Variants in DACH2 observed in about 807,000 individuals in gnomAD.
DACH2 encodes the protein dachshund homolog 2.
Under a neutral mutation model 35.8 loss-of-function variants are expected in DACH2, and 17 were observed. The ratio of observed to expected loss-of-function variants is 0.48; its 90% confidence interval spans 0.33 to 0.71. The LOEUF (loss-of-function observed/expected upper bound fraction) is 0.71. DACH2 is among the 30% of genes least tolerant of loss of function. DACH2 has a pLI of 0.02. For missense variants in DACH2, 469 were observed against 472.7 expected (o/e 0.99, Z 0.07); for synonymous variants, 195 against 177.3 (o/e 1.10, Z -0.79).
chrX:86,693,365 T>A (rs183067590), intron 4 of DACH2, among the ~76,000 whole-genome samples: 2 of 112,068 alleles, frequency 1.8e-5, no homozygotes, highest in Non-Finnish European at 3.8e-5. Context: ...TCTTTACATA[T>A]ACTGTGCTAG....
chrX:86,242,164 A>G (rs1033485838), intron 1 of DACH2, among the ~76,000 whole-genome samples: 5 of 112,310 alleles, frequency 4.5e-5, no homozygotes, highest in Non-Finnish European at 9.4e-5. Context: ...GTCCACTGAC[A>G]GCTTGCACCA....
chrX:86,794,910 A>T, intron 7 of DACH2, among the ~76,000 whole-genome samples: 1 of 111,772 alleles, frequency 8.9e-6, no homozygotes. Flanking sequence ...AGAAATTGGG[A>T]TGTTGATGGT....
At chrX:86,672,654 G>C (rs2040777926) in intron 4 of DACH2, among the ~76,000 whole-genome samples, 1 of 112,078 alleles carries the variant, frequency 8.9e-6, no homozygotes, top group South Asian at 3.7e-4. Flanking sequence ...TTGAGGCTTG[G>C]GGGCCTCCAC....
At chrX:86,596,850 T>C (rs895298371) in intron 3 of DACH2, among the ~76,000 whole-genome samples, 1 of 111,907 alleles carries the variant, frequency 8.9e-6, no homozygotes, top group Admixed American at 9.5e-5. Flanking sequence ...TTTATAGCTT[T>C]AGCTGTGGTT....
intron 7 of DACH2, among the ~76,000 whole-genome samples, chrX:86,769,805 T>C (rs1469781309): frequency 9.1e-6 from 1 of 109,892 alleles, no homozygotes; most frequent in East Asian, 2.9e-4. Flanking sequence ...CTGTTACTGG[T>C]TTTGAAACCT....
intron 2 of DACH2, among the ~76,000 whole-genome samples, chrX:86,438,099 A>G (rs879084387): frequency 9.3e-6 from 1 of 107,829 alleles, no homozygotes; most frequent in African/African-American, 3.4e-5. Flanking sequence ...TGTTCTTATC[A>G]TTTAGCTCCC....
At chrX:86,691,413 G>A (rs1022390384) in intron 4 of DACH2, among the ~76,000 whole-genome samples, 2 of 111,585 alleles carry the variant, frequency 1.8e-5, no homozygotes, top group Admixed American at 9.6e-5. Context: ...CATTCTCCAT[G>A]ATGTACTTAT....
Position 86,420,496 on chromosome X carries a change from C to G in DACH2, c.527+43634C>G, listed in dbSNP as rs1007674857. ...GAGTTTATGCCTTGTCTAATAATAT[C>G]ATAGGTACTGTGCATGTACTTGTGG... On this transcript the variant is annotated intron_variant, in intron 2 of 11. Coordinates refer to ENST00000373125, the MANE Select transcript of DACH2 (RefSeq NM_053281.3). Among the ~76,000 whole-genome samples the G allele has an allele frequency of 3.6e-5, 4 of 110,208 alleles. No individual in the cohort carries two copies. The East Asian group carries it at 1.2e-3, about 33-fold the overall frequency.
chrX:86,571,454 C>A (rs187059591), intron 3 of DACH2, among the ~76,000 whole-genome samples: 6 of 109,861 alleles, frequency 5.5e-5, no homozygotes, highest in South Asian at 3.9e-4. Flanking sequence ...CCGCTCCCCC[C>A]ACCCCACAAC....
intron 3 of DACH2, among the ~76,000 whole-genome samples, chrX:86,627,347 T>C (rs5923573): frequency 0.26 from 28,876 of 111,022 alleles, 3,730 homozygotes; most frequent in Middle Eastern, 0.44. Context: ...GCCTAGGTTT[T>C]ATTGTATCTA....
intron 7 of DACH2, among the ~76,000 whole-genome samples, chrX:86,811,813 C>T (rs775753939): frequency 8.9e-6 from 1 of 111,966 alleles, no homozygotes; most frequent in East Asian, 2.8e-4. Flanking sequence ...ACCAAGTATT[C>T]AGGGTTCTCA....
At chrX:86,309,539 G>A (rs1199743565) in intron 1 of DACH2, among the ~76,000 whole-genome samples, 1 of 111,579 alleles carries the variant, frequency 9.0e-6, no homozygotes, top group Non-Finnish European at 1.9e-5. Flanking sequence ...TATCACACTG[G>A]TCCATTACAT....
chrX:86,305,966 G>A (rs1276615880), intron 1 of DACH2, among the ~76,000 whole-genome samples: 3 of 111,549 alleles, frequency 2.7e-5, no homozygotes, highest in African/African-American at 6.5e-5. Context: ...GCAATGATAC[G>A]GTTAAAAGAG....
At chrX:86,177,301 A>T (rs1335918963) in intron 1 of DACH2, among the ~76,000 whole-genome samples, 2 of 111,843 alleles carry the variant, frequency 1.8e-5, no homozygotes, top group African/African-American at 6.5e-5. Context: ...TAATGCATTC[A>T]AAGTGGCAGA....
rs752775682 is a variant in DACH2 at position 86,645,610 on chromosome X, C to T, written c.641-5426C>T. ...AAAGGCACATGCATGCAAATGTTCA[C>T]TGCAGCACTGTTCACAATGCTAGGG... On this transcript the variant is annotated intron_variant, in intron 3 of 11. Coordinates refer to ENST00000373125, the MANE Select transcript of DACH2 (RefSeq NM_053281.3). 2.9e-3 allele frequency among the ~76,000 whole-genome samples: 321 copies of T among 111,025 alleles called. 2 individuals carry two copies. The highest frequency in any genetic ancestry group is 1.0e-2 in the African/African-American group (306 of 30,677).
chrX:86,292,883 T>C (rs969209565), intron 1 of DACH2, among the ~76,000 whole-genome samples: 7 of 107,053 alleles, frequency 6.5e-5, no homozygotes, highest in African/African-American at 2.4e-4. Context: ...GGTGTGGTGC[T>C]GAAGAAAATG....
intron 5 of DACH2, among the ~76,000 whole-genome samples, chrX:86,696,649 G>A (rs1055933871): frequency 8.9e-6 from 1 of 111,771 alleles, no homozygotes; most frequent in African/African-American, 3.2e-5. Flanking sequence ...AGGCAGCACA[G>A]CTCATAAGGA....
chrX:86,462,073 G>A (rs752232805), intron 2 of DACH2, among the ~76,000 whole-genome samples: 68 of 110,810 alleles, frequency 6.1e-4, no homozygotes, highest in African/African-American at 2.0e-3. Flanking sequence ...GTCACTGAAG[G>A]GTTACCATCT....
rs745497036 is a variant in DACH2, at chrX:86,791,273, A to G, written c.1241-21583A>G. The stretch of plus-strand genomic sequence containing the variant: ...ACAATTTGGTAATTAACTCTCAGAG[A>G]GTAAGAACCTAGTTCACACTAAGCA... On this transcript the variant is annotated intron_variant, in intron 7 of 11. Coordinates refer to ENST00000373125, the MANE Select transcript of DACH2 (RefSeq NM_053281.3). Among the ~76,000 whole-genome samples, 7 of 111,650 alleles carry G rather than the reference A, an allele frequency of 6.3e-5. No homozygotes were observed. In the East Asian group the frequency reaches 2.0e-3, roughly 32 times the overall value.
Sources: allele counts gnomAD v4.1 joint callset (sites outside exome capture counted in the v4.1 genomes callset), GRCh38; gene constraint gnomAD v4.1.1; transcripts MANE v1.5; gene names NCBI Gene and HGNC (gene_info 2026-07-23, HGNC 2026-07-21).